The following STK33 variants were observed in gnomAD, a reference collection of about 807,000 sequenced individuals.
STK33 encodes the protein serine/threonine kinase 33, also known as serine/threonine-protein kinase 33.
In STK33, 52 loss-of-function variants were observed where a neutral mutation model predicts 58.0. That is an observed-to-expected ratio of 0.90 (90% CI 0.72 to 1.13). STK33 has a LOEUF of 1.13. Among genes scored for constraint, STK33 ranks in the 50% most tolerant of loss-of-function variants. STK33 has a pLI of 0.00. For synonymous variants in STK33, 215 were observed against 200.1 expected (o/e 1.07, Z -0.63); for missense variants, 630 against 604.2 (o/e 1.04, Z -0.45).
the STK33 span, among the ~76,000 whole-genome samples, chr11:8,352,988 G>A: frequency 3.9e-5 from 6 of 152,170 alleles, no homozygotes; most frequent in African/African-American, 1.2e-4. Flanking sequence ...GAATGCCCAC[G>A]GCCCTGGCCC....
intron 14 of STK33, among the ~76,000 whole-genome samples, chr11:8,427,319 G>A (rs1363846068): frequency 6.6e-6 from 1 of 152,088 alleles, no homozygotes; most frequent in African/African-American, 2.4e-5. Flanking sequence ...CAATGTTGCT[G>A]CTGAAAAGTA....
chr11:8,391,682 T>C (rs1848631282), downstream of STK33, among the ~76,000 whole-genome samples: 1 of 152,152 alleles, frequency 6.6e-6, no homozygotes, highest in East Asian at 1.9e-4. Context: ...ACTGGCAAAA[T>C]TAGTTACCCA....
chr11:8,527,661 G>A lies in STK33; in HGVS notation c.-465-47047C>T, dbSNP rs1954168050. Among the ~76,000 whole-genome samples the A allele has an allele frequency of 2.6e-5, 4 of 152,222 alleles. No individual in the cohort carries two copies. The South Asian group carries it at 8.3e-4, about 32-fold the overall frequency. On this transcript the variant is annotated intron_variant, in intron 1 of 15. Coordinates refer to ENST00000687296, the MANE Select transcript of STK33 (RefSeq NM_001352389.2). ...AACAATACATAGTAAACAGATGGTGGCTCTTAGACCAGAGCAAGATAACCA... is the reference window on the plus strand; with the variant it reads ...AACAATACATAGTAAACAGATGGTGACTCTTAGACCAGAGCAAGATAACCA...
the STK33 span, among the ~76,000 whole-genome samples, chr11:8,375,934 T>C: frequency 6.6e-6 from 1 of 152,156 alleles, no homozygotes; most frequent in Non-Finnish European, 1.5e-5. Flanking sequence ...AGTGTGAAAA[T>C]GGACTAATAC....
intron 1 of STK33, among the ~76,000 whole-genome samples, chr11:8,522,229 T>C (rs548691384): frequency 1.5e-3 from 236 of 152,348 alleles, no homozygotes; most frequent in African/African-American, 5.1e-3. Context: ...CCAACCCAAA[T>C]GTCCATCAAT....
chr11:8,476,853 T>C (rs1376072559), intron 3 of STK33, 102 bp from the exon 4 acceptor site: 2 of 152,194 alleles, frequency 1.3e-5, no homozygotes, highest in Non-Finnish European at 2.9e-5. Context: ...CTGACCATAG[T>C]AGTATTCCCC....
the STK33 span, among the ~76,000 whole-genome samples, chr11:8,377,519 T>C: frequency 6.6e-6 from 1 of 152,208 alleles, no homozygotes; most frequent in East Asian, 1.9e-4. Context: ...TCCATCATAC[T>C]GAATGGGGAA....
chr11:8,549,431 TTC>T (rs1353431803), intron 1 of STK33, among the ~76,000 whole-genome samples: 2 of 152,104 alleles, frequency 1.3e-5, no homozygotes, highest in Non-Finnish European at 2.9e-5. Flanking sequence ...GCCTGTAGTT[TTC>T]TGTTTTTGTT....
At chr11:8,572,510 T>C (rs1489262207) in intron 1 of STK33, among the ~76,000 whole-genome samples, 18 of 152,184 alleles carry the variant, frequency 1.2e-4, no homozygotes. Context: ...AAGAATCATA[T>C]AAATATGTTC....
chr11:8,335,372 C>G, the STK33 span, among the ~76,000 whole-genome samples: 3 of 152,196 alleles, frequency 2.0e-5, no homozygotes, highest in African/African-American at 7.2e-5. Flanking sequence ...CTCCCAGCCA[C>G]CAATGAGAGG....
the STK33 span, among the ~76,000 whole-genome samples, chr11:8,337,645 C>T: frequency 8.0e-5 from 7 of 87,862 alleles, no homozygotes; most frequent in Admixed American, 2.5e-4. Context: ...CGGCGGGGGG[C>T]GGGGGGGGGG....
chr11:8,483,877 C>T (rs1036861921), intron 1 of STK33, among the ~76,000 whole-genome samples: 3 of 152,000 alleles, frequency 2.0e-5, no homozygotes, highest in Non-Finnish European at 2.9e-5. Context: ...ATATTAAGTT[C>T]TTTATTTTAT....
chr11:8,518,933 A>C (rs544600564), intron 1 of STK33, among the ~76,000 whole-genome samples: 11 of 152,076 alleles, frequency 7.2e-5, no homozygotes, highest in Non-Finnish European at 1.5e-4. Context: ...TCAGATCAAC[A>C]AGACAGAAAG....
the STK33 span, among the ~76,000 whole-genome samples, chr11:8,371,858 C>G: frequency 6.9e-6 from 1 of 144,924 alleles, no homozygotes; most frequent in African/African-American, 2.5e-5. Flanking sequence ...TCCTTCCCTC[C>G]CTCCCTCCCT....
the STK33 span, among the ~76,000 whole-genome samples, chr11:8,374,826 G>A: frequency 3.3e-5 from 5 of 152,124 alleles, no homozygotes; most frequent in Non-Finnish European, 5.9e-5. Context: ...TGTTCACCCA[G>A]AGCAGTGGAC....
the STK33 span, among the ~76,000 whole-genome samples, chr11:8,359,167 A>T: frequency 7.9e-5 from 12 of 152,332 alleles, no homozygotes; most frequent in South Asian, 2.1e-4. Context: ...CAACTGAGTG[A>T]GATGTGTGAC....
chr11:8,468,655 T>C (rs1215616897), intron 6 of STK33, among the ~76,000 whole-genome samples: 2 of 152,182 alleles, frequency 1.3e-5, no homozygotes, highest in African/African-American at 2.4e-5. Flanking sequence ...CTGTTTCTTT[T>C]GTATCTCTTA....
the STK33 span, among the ~76,000 whole-genome samples, chr11:8,381,977 C>T: frequency 8.5e-5 from 13 of 152,062 alleles, no homozygotes; most frequent in Non-Finnish European, 1.5e-5. Flanking sequence ...TCTGCTGAGA[C>T]CTCCTTCCCA....
chr11:8,398,612 T>C (rs1425308293), intron 15 of STK33, among the ~76,000 whole-genome samples: 2 of 152,156 alleles, frequency 1.3e-5, no homozygotes, highest in Non-Finnish European at 2.9e-5. Flanking sequence ...GACGTAACAA[T>C]ATTAACCTTA....
Sources: allele counts gnomAD v4.1 joint callset (sites outside exome capture counted in the v4.1 genomes callset), GRCh38; gene constraint gnomAD v4.1.1; transcripts MANE v1.5; gene names NCBI Gene and HGNC (gene_info 2026-07-23, HGNC 2026-07-21).